FHAD1: variants seen among roughly 807,000 people sequenced by gnomAD.
The protein encoded by FHAD1 is forkhead associated phosphopeptide binding domain 1, also known as forkhead-associated domain-containing protein 1.
Under a neutral mutation model 191.3 loss-of-function variants are expected in FHAD1, and 146 were observed. That is an observed-to-expected ratio of 0.76 (90% CI 0.67 to 0.88). The LOEUF is 0.88. Among genes scored for constraint, FHAD1 ranks in the 40% least tolerant of loss-of-function variants. The pLI, the probability that FHAD1 is intolerant of heterozygous loss-of-function variation, is 0.00. For missense variants in FHAD1, 1,635 were observed against 1,785.8 expected (o/e 0.92, Z 1.52); for synonymous variants, 616 against 672.3 (o/e 0.92, Z 1.29).
chr1:15,259,903 CA>C (rs1407483414), intron 2 of FHAD1, among the ~76,000 whole-genome samples: 1 of 152,196 alleles, frequency 6.6e-6, no homozygotes, highest in Non-Finnish European at 1.5e-5. Context: ...GTGTAAGAAA[CA>C]GCGCACACAA....
downstream of FHAD1, among the ~76,000 whole-genome samples, chr1:15,402,375 T>G (rs1021157720): frequency 6.6e-6 from 1 of 152,184 alleles, no homozygotes; most frequent in Non-Finnish European, 1.5e-5. Flanking sequence ...AGGGTACATG[T>G]GCACAACGTG....
intron 1 of FHAD1, among the ~76,000 whole-genome samples, chr1:15,250,311 T>G (rs1350190891): frequency 6.6e-6 from 1 of 152,260 alleles, no homozygotes; most frequent in Non-Finnish European, 1.5e-5. Context: ...CTGAAGTCAC[T>G]GAAGTGTTTG....
intron 2 of FHAD1, among the ~76,000 whole-genome samples, chr1:15,257,571 C>A (rs1648848554): frequency 6.6e-6 from 1 of 152,196 alleles, no homozygotes; most frequent in South Asian, 2.1e-4. Flanking sequence ...TGGCTCCTCA[C>A]CAGGCGTCCT....
rs1277927510 is a variant in FHAD1, at chr1:15,331,523, GATGGATGA to G, written c.1906+1984_1906+1991del. The stretch of plus-strand genomic sequence containing the variant: ...GGATGGATGGATGGATGGATGGATG[GATGGATGA>G]AAGGATGGATGGAAGTGTGGGTGGG... On this transcript the variant is annotated intron_variant, in intron 14 of 33. Coordinates refer to ENST00000688493, the MANE Select transcript of FHAD1 (RefSeq NM_001391957.1). Among the ~76,000 whole-genome samples the G allele has an allele frequency of 1.4e-3, 179 of 130,110 alleles. 3 individuals carry two copies. Among genetic ancestry groups the G allele is most frequent in the Non-Finnish European group, 2.5e-3 (153 of 62,256 alleles). The allele number at this position is 130,110 out of a possible 152,430, so 85.4% of individuals were successfully genotyped here.
intron 14 of FHAD1, among the ~76,000 whole-genome samples, chr1:15,338,563 C>T (rs937963970): frequency 2.0e-5 from 3 of 152,158 alleles, no homozygotes; most frequent in South Asian, 2.1e-4. Context: ...TTGCCCTGTA[C>T]GGTCACACCC....
chr1:15,350,649 G>GC (rs995756457), intron 19 of FHAD1, among the ~76,000 whole-genome samples: 8 of 152,228 alleles, frequency 5.3e-5, no homozygotes, highest in Middle Eastern at 3.2e-3. Context: ...CCCTGGGCAT[G>GC]CCCCTTGCCC....
chr1:15,387,471 G>A (rs1464938160), intron 31 of FHAD1, among the ~76,000 whole-genome samples: 2 of 152,180 alleles, frequency 1.3e-5, no homozygotes, highest in African/African-American at 4.8e-5. Flanking sequence ...ACACCAGGCT[G>A]GGTGCGGTGG....
At chr1:15,346,379 A>T (rs1558180142) in intron 18 of FHAD1, among the ~76,000 whole-genome samples, 1 of 152,254 alleles carries the variant, frequency 6.6e-6, no homozygotes, top group Non-Finnish European at 1.5e-5. Context: ...TCTACTTAGC[A>T]AAAATGGACT....
intron 3 of FHAD1, among the ~76,000 whole-genome samples, chr1:15,281,826 C>T (rs917970518): frequency 1.3e-5 from 2 of 151,140 alleles, no homozygotes; most frequent in Admixed American, 6.6e-5. Flanking sequence ...CTCAGCTCCA[C>T]CTCCTGGTTG....
intron 2 of FHAD1, among the ~76,000 whole-genome samples, chr1:15,259,880 C>T (rs764543699): frequency 2.0e-5 from 3 of 152,194 alleles, no homozygotes; most frequent in African/African-American, 7.2e-5. Context: ...AAGGGCCCCC[C>T]TCTCCCTGCC....
chr1:15,252,855 G>A (rs1387067653), intron 2 of FHAD1, among the ~76,000 whole-genome samples: 3 of 152,236 alleles, frequency 2.0e-5, no homozygotes, highest in Non-Finnish European at 4.4e-5. Flanking sequence ...TTGAAAGAAG[G>A]AGAATAATAA....
Position 15,341,869 on chromosome 1 carries a change from A to G in FHAD1, c.2111A>G (p.Gln704Arg). ...QEEKLKAKIRQLTEEKAALEE... is the reference protein window; with the variant it reads ...QEEKLKAKIRRLTEEKAALEE... ...GAGAAGCTCAAAGCCAAAATCAGGC[A>G]ACTGACGGAAGAGAAGGCGGTAAGG... The change falls in exon 16 of 34, where the codon CAA becomes CGA. Residue 704 changes from glutamine (Q) to arginine (R), a missense_variant. Physicochemically the swap from Gln to Arg is conservative, Grantham distance 43 (BLOSUM62 1). Coordinates refer to ENST00000688493, the MANE Select transcript of FHAD1 (RefSeq NM_001391957.1). 2 of 1,551,662 alleles carry G rather than the reference A, an allele frequency of 1.3e-6. No homozygotes were observed. The highest frequency in any genetic ancestry group is 4.9e-5 in the East Asian group (2 of 40,928).
intron 5 of FHAD1, among the ~76,000 whole-genome samples, chr1:15,301,001 T>C (rs1422372818): frequency 1.3e-5 from 2 of 152,130 alleles, no homozygotes; most frequent in Non-Finnish European, 2.9e-5. Flanking sequence ...AGCTAATTTT[T>C]GTATTTTTAG....
chr1:15,281,849 G>GTGTGTTACA (rs1660740028), intron 3 of FHAD1, among the ~76,000 whole-genome samples: 1 of 150,898 alleles, frequency 6.6e-6, no homozygotes, highest in South Asian at 2.1e-4. Flanking sequence ...GATTACTTAT[G>GTGTGTTACA]TGTGTTACAT....
At chr1:15,309,892 C>T (rs950054937) in intron 7 of FHAD1, among the ~76,000 whole-genome samples, 4 of 151,930 alleles carry the variant, frequency 2.6e-5, no homozygotes, top group Non-Finnish European at 4.4e-5. Flanking sequence ...GCAAAGGCCC[C>T]GAGGCTGGAC....
chr1:15,333,334 A>G (rs1682503562), intron 14 of FHAD1, among the ~76,000 whole-genome samples: 1 of 152,066 alleles, frequency 6.6e-6, no homozygotes, highest in African/African-American at 2.4e-5. Context: ...AGGAGGAAGG[A>G]TGGGGAGGAG....
rs761784380 is a variant in FHAD1 at position 15,375,765 on chromosome 1, A to G, written c.3705+35A>G. 68 of 1,512,940 alleles carry G rather than the reference A, an allele frequency of 4.5e-5. 2 individuals are homozygous for G. The South Asian group carries it at 7.4e-4, about 17-fold the overall frequency. 93.7% of individuals were successfully genotyped at this position (1,512,940 alleles called of 1,614,324 possible). A position where few individuals can be genotyped will look rare whatever the true frequency, so the allele number is the denominator to read the frequency against. On this transcript the variant is annotated intron_variant, in intron 28 of 33. Coordinates refer to ENST00000688493, the MANE Select transcript of FHAD1 (RefSeq NM_001391957.1). Reference sequence around the variant, plus strand: ...GAAAATTCTCTCTGCTGTGACTGGCATGTGGAGAGGAGGGGCCTGAGGGCA... The same window carrying G: ...GAAAATTCTCTCTGCTGTGACTGGCGTGTGGAGAGGAGGGGCCTGAGGGCA...
At chr1:15,382,445 T>C (rs1003997617) in intron 31 of FHAD1, among the ~76,000 whole-genome samples, 2 of 152,146 alleles carry the variant, frequency 1.3e-5, no homozygotes, top group African/African-American at 2.4e-5. Context: ...TTTTTAATGG[T>C]GGTTGTTATT....
chr1:15,340,333 T>C (rs570661712), intron 15 of FHAD1, among the ~76,000 whole-genome samples: 1 of 152,330 alleles, frequency 6.6e-6, no homozygotes, highest in African/African-American at 2.4e-5. Flanking sequence ...GCAATTGCTA[T>C]TTACTCCTCA....
Sources: gnomAD v4.1 joint callset for allele counts (sites outside exome capture counted in the v4.1 genomes callset) on GRCh38, gnomAD v4.1.1 for gene constraint, MANE v1.5 for transcripts, NCBI Gene and HGNC (gene_info 2026-07-23, HGNC 2026-07-21) for gene names.